The following SPON1 variants were observed in gnomAD, a reference collection of about 807,000 sequenced individuals.
SPON1 encodes spondin 1.
In SPON1, 52 loss-of-function variants were observed where a neutral mutation model predicts 111.7. The ratio of observed to expected loss-of-function variants is 0.47; its 90% CI spans 0.37 to 0.59. The LOEUF (loss-of-function observed/expected upper bound fraction) is 0.59. Ranked by LOEUF, SPON1 falls within the 20% of genes least tolerant of loss-of-function variation. The pLI is 0.00. For synonymous variants in SPON1, 410 were observed against 395.8 expected, an observed-to-expected ratio of 1.04 and a Z score of -0.43; for missense variants, 957 against 1,068.5, an observed-to-expected ratio of 0.90 and a Z score of 1.46.
intron 6 of SPON1, among the ~76,000 whole-genome samples, chr11:14,143,417 G>A (rs1225838730): frequency 6.6e-6 from 1 of 152,140 alleles, no homozygotes; most frequent in African/African-American, 2.4e-5. Flanking sequence ...CCAAAAATTA[G>A]CCAGGCATGG....
chr11:14,211,251 C>T (rs1848572659), intron 6 of SPON1, among the ~76,000 whole-genome samples: 1 of 152,170 alleles, frequency 6.6e-6, no homozygotes, highest in African/African-American at 2.4e-5. Flanking sequence ...AGCCCAAAAT[C>T]TCCTTAAACT....
intron 6 of SPON1, among the ~76,000 whole-genome samples, chr11:14,170,479 C>A (rs1270033583): frequency 1.3e-5 from 2 of 152,098 alleles, no homozygotes; most frequent in South Asian, 2.1e-4. Flanking sequence ...TAATTGAATG[C>A]CTTTTATTTC....
intron 6 of SPON1, among the ~76,000 whole-genome samples, chr11:14,145,666 T>C (rs1847708768): frequency 6.6e-6 from 1 of 152,216 alleles, no homozygotes; most frequent in Admixed American, 6.5e-5. Context: ...ATCAACATAA[T>C]AAAATAATTC....
At chr11:14,160,925 TTATATATTTATA>T (rs1564919747) in intron 6 of SPON1, among the ~76,000 whole-genome samples, 1 of 29,804 alleles carries the variant, frequency 3.4e-5, no homozygotes, top group African/African-American at 1.4e-4. Context: ...ATTTATATAT[TTATATATTTATA>T]TATATATTTA....
chr11:14,163,761 C>T (rs1422413573), intron 6 of SPON1, among the ~76,000 whole-genome samples: 2 of 152,128 alleles, frequency 1.3e-5, no homozygotes, highest in Non-Finnish European at 2.9e-5. Context: ...TCTTCATGCC[C>T]GTGCTGTGGT....
intron 7 of SPON1, among the ~76,000 whole-genome samples, chr11:14,250,757 C>T (rs374775657): frequency 6.6e-4 from 100 of 152,282 alleles, no homozygotes; most frequent in African/African-American, 2.0e-3. Flanking sequence ...CAAATTAAAG[C>T]ACTCCAGTCC....
chr11:14,109,273 G>C (rs1554925204), intron 5 of SPON1, among the ~76,000 whole-genome samples: 2 of 152,106 alleles, frequency 1.3e-5, no homozygotes, highest in East Asian at 1.9e-4. Flanking sequence ...ACGATAAATA[G>C]AGCAACAAGC....
At chr11:14,090,358 C>T (rs112327128) in intron 5 of SPON1, among the ~76,000 whole-genome samples, 2,049 of 152,220 alleles carry the variant, frequency 0.013, 55 homozygotes, top group African/African-American at 0.046. Flanking sequence ...AGTATCTGGG[C>T]TGGATAGCAC....
chr11:14,071,936 T>C (rs1423207684), intron 3 of SPON1, among the ~76,000 whole-genome samples: 1 of 152,160 alleles, frequency 6.6e-6, no homozygotes, highest in Non-Finnish European at 1.5e-5. Context: ...TGACCTCAAG[T>C]GATCCATCTA....
intron 6 of SPON1, among the ~76,000 whole-genome samples, chr11:14,213,295 T>A (rs11604253): frequency 0.036 from 5,415 of 152,204 alleles, 133 homozygotes; most frequent in Non-Finnish European, 0.052. Flanking sequence ...AAAAGGCTGA[T>A]GAAGTTTTCA....
chr11:13,990,202 G>T (rs1429183122), intron 2 of SPON1, among the ~76,000 whole-genome samples: 4 of 151,962 alleles, frequency 2.6e-5, no homozygotes, highest in African/African-American at 2.4e-5. Flanking sequence ...TGGTCTCTAA[G>T]AACTTGCTTT....
chr11:14,191,919 G>A (rs1848350969), intron 6 of SPON1, among the ~76,000 whole-genome samples: 1 of 152,094 alleles, frequency 6.6e-6, no homozygotes, highest in African/African-American at 2.4e-5. Flanking sequence ...AACACCAAAT[G>A]CCAGCCAGCC....
At chr11:14,230,696 G>A in intron 6 of SPON1, among the ~76,000 whole-genome samples, 1 of 152,208 alleles carries the variant, frequency 6.6e-6, no homozygotes, top group East Asian at 1.9e-4. Flanking sequence ...AACCAGTTGA[G>A]AAAACCCTGG....
chr11:14,131,632 C>G (rs1306794589), intron 5 of SPON1, among the ~76,000 whole-genome samples: 18 of 152,174 alleles, frequency 1.2e-4, no homozygotes, highest in Admixed American at 1.2e-3. Context: ...CTTTCGAAAA[C>G]TATCTCAATT....
intron 6 of SPON1, among the ~76,000 whole-genome samples, chr11:14,235,509 T>C (rs1554939121): frequency 6.6e-6 from 1 of 151,412 alleles, no homozygotes; most frequent in Non-Finnish European, 1.5e-5. Context: ...CAAGACCCCA[T>C]CTCTACAACT....
chr11:14,058,501 TGAAGG>T (rs1315481391), intron 3 of SPON1, among the ~76,000 whole-genome samples: 1 of 151,746 alleles, frequency 6.6e-6, no homozygotes, highest in African/African-American at 2.4e-5. Flanking sequence ...AGGCAACAGA[TGAAGG>T]GAAGCAGCGG....
rs900354003 is a variant in SPON1, at chr11:14,238,961, A to G, written c.826-4371A>G. On this transcript the variant is annotated intron_variant, in intron 6 of 15. Coordinates refer to ENST00000576479, the MANE Select transcript of SPON1 (RefSeq NM_006108.4). ...AGAAGGGGCTCTAAGTATTCTTGAA[A>G]GTTCCTGTCTGTGCCTTAGAGACTT... 5.9e-5 allele frequency among the ~76,000 whole-genome samples: 9 copies of G among 152,344 alleles called. No individual in the cohort carries two copies. The South Asian group carries it at 1.7e-3, about 28-fold the overall frequency.
At chr11:14,229,942 C>CCG (rs1564936043) in intron 6 of SPON1, among the ~76,000 whole-genome samples, 2 of 134,114 alleles carry the variant, frequency 1.5e-5, no homozygotes, top group African/African-American at 5.8e-5. Flanking sequence ...GTCTGTCTGT[C>CCG]TGTGTGTCCG....
rs114938497 is a variant in SPON1, at chr11:14,130,470, A to G, written c.677-4950A>G. Among the ~76,000 whole-genome samples the G allele has an allele frequency of 7.8e-3, 1,186 of 152,204 alleles. 25 individuals carry two copies. The highest frequency in any genetic ancestry group is 0.027 in the African/African-American group (1,137 of 41,542). Reference sequence around the variant, plus strand: ...TGTCTCTGTGTTGTGTTTGTTCTCAAACCCCCTTATACCAGTTATTCTGAC... The same window carrying G: ...TGTCTCTGTGTTGTGTTTGTTCTCAGACCCCCTTATACCAGTTATTCTGAC... On this transcript the variant is annotated intron_variant, in intron 5 of 15. Coordinates refer to ENST00000576479, the MANE Select transcript of SPON1 (RefSeq NM_006108.4).
Sources: allele counts gnomAD v4.1 joint callset (sites outside exome capture counted in the v4.1 genomes callset), GRCh38; gene constraint gnomAD v4.1.1; transcripts MANE v1.5; gene names NCBI Gene and HGNC (gene_info 2026-07-23, HGNC 2026-07-21).